SPMIP7: variants seen among roughly 807,000 people sequenced by gnomAD.
SPMIP7 encodes the protein protein SPMIP7.
chr7:50,104,817 GAT>G, the SPMIP7 span, among the ~76,000 whole-genome samples: 1 of 152,114 alleles, frequency 6.6e-6, no homozygotes, highest in African/African-American at 2.4e-5. Flanking sequence ...TAGAGCAACG[GAT>G]TAATGCTACT....
chr7:50,139,785 C>T, the SPMIP7 span, among the ~76,000 whole-genome samples: 1 of 152,166 alleles, frequency 6.6e-6, no homozygotes, highest in African/African-American at 2.4e-5. Context: ...CCAGAAACAA[C>T]CAAGATGCCC....
At chr7:50,153,830 T>C in the SPMIP7 span, among the ~76,000 whole-genome samples, 1 of 152,106 alleles carries the variant, frequency 6.6e-6, no homozygotes, top group African/African-American at 2.4e-5. Flanking sequence ...AGGGGGTGGC[T>C]CTCAGGCCCC....
the SPMIP7 span, chr7:50,141,167 C>T: frequency 4.8e-6 from 3 of 626,234 alleles, no homozygotes; most frequent in African/African-American, 1.8e-5. Flanking sequence ...GCATTTTGAG[C>T]CTTTGATCTA....
the SPMIP7 span, among the ~76,000 whole-genome samples, chr7:50,103,052 T>TTATA: frequency 0.72 from 104,018 of 143,590 alleles, 38,203 homozygotes; most frequent in East Asian, 0.86. Flanking sequence ...ATCATATATT[T>TTATA]TATATATATA....
the SPMIP7 span, among the ~76,000 whole-genome samples, chr7:50,138,352 G>T: frequency 6.6e-6 from 1 of 152,152 alleles, no homozygotes; most frequent in Non-Finnish European, 1.5e-5. Context: ...ATATAAAAGT[G>T]AATCACATGG....
chr7:50,102,646 A>G, the SPMIP7 span, among the ~76,000 whole-genome samples: 1 of 152,048 alleles, frequency 6.6e-6, no homozygotes, highest in Admixed American at 6.6e-5. Flanking sequence ...GAAAATCCCC[A>G]TTTCAGATTC....
the SPMIP7 span, among the ~76,000 whole-genome samples, chr7:50,152,406 G>A: frequency 6.6e-6 from 1 of 152,098 alleles, no homozygotes; most frequent in Non-Finnish European, 1.5e-5. Context: ...TCCTTTATTT[G>A]AAGCTACTAG....
the SPMIP7 span, among the ~76,000 whole-genome samples, chr7:50,132,089 T>A: frequency 6.6e-6 from 1 of 152,102 alleles, no homozygotes; most frequent in Non-Finnish European, 1.5e-5. Context: ...ATGAAAACAC[T>A]TAAAAACATG....
At chr7:50,140,171 C>T in the SPMIP7 span, 4 of 1,500,170 alleles carry the variant, frequency 2.7e-6, no homozygotes, top group South Asian at 1.3e-5. Flanking sequence ...TAAATATATT[C>T]CTCTCTATAC....
the SPMIP7 span, among the ~76,000 whole-genome samples, chr7:50,153,445 A>C: frequency 2.0e-5 from 3 of 152,238 alleles, no homozygotes; most frequent in East Asian, 5.8e-4. Flanking sequence ...TTACTAAGTC[A>C]ATGCATGTTT....
At chr7:50,119,485 G>A in the SPMIP7 span, among the ~76,000 whole-genome samples, 1 of 152,196 alleles carries the variant, frequency 6.6e-6, no homozygotes, top group Non-Finnish European at 1.5e-5. Flanking sequence ...GATGGCTTTA[G>A]CAAAGGCTTA....
chr7:50,110,023 C>G, the SPMIP7 span, among the ~76,000 whole-genome samples: 1 of 152,000 alleles, frequency 6.6e-6, no homozygotes, highest in Non-Finnish European at 1.5e-5. Flanking sequence ...TTTTGGTACA[C>G]AATCATTCAT....
At chr7:50,155,874 C>CCCTCACTATACACACATACTGCACATA in the SPMIP7 span, among the ~76,000 whole-genome samples, 35 of 152,088 alleles carry the variant, frequency 2.3e-4, no homozygotes, top group Non-Finnish European at 3.5e-4. Context: ...TCATCCATGG[C>CCCTCACTATACACACATACTGCACATA]CTGAGTGGGA....
chr7:50,139,513 A>G, the SPMIP7 span, among the ~76,000 whole-genome samples: 1 of 152,208 alleles, frequency 6.6e-6, no homozygotes, highest in African/African-American at 2.4e-5. Context: ...TTTTTAATTT[A>G]CATATCATGT....
chr7:50,158,814 C>T, the SPMIP7 span, among the ~76,000 whole-genome samples: 4 of 151,972 alleles, frequency 2.6e-5, no homozygotes, highest in Non-Finnish European at 5.9e-5. Flanking sequence ...GTTCCTTGGG[C>T]GGCTTTCTGC....
At chr7:50,151,577 C>T in the SPMIP7 span, 1 of 1,471,370 alleles carries the variant, frequency 6.8e-7, no homozygotes, top group Non-Finnish European at 9.3e-7. Context: ...AATCCTATTA[C>T]TCAATTTGCT....
chr7:50,098,152 A>G, the SPMIP7 span, among the ~76,000 whole-genome samples: 1 of 152,126 alleles, frequency 6.6e-6, no homozygotes, highest in Non-Finnish European at 1.5e-5. Context: ...ACACACTGGT[A>G]TGCTCTTCAG....
the SPMIP7 span, chr7:50,140,083 T>A: frequency 8.8e-7 from 1 of 1,133,086 alleles, no homozygotes; most frequent in Non-Finnish European, 1.2e-6. Flanking sequence ...CTGTAATAAT[T>A]TGATGTTTAT....
chr7:50,135,232 G>T, the SPMIP7 span, among the ~76,000 whole-genome samples: 5 of 152,160 alleles, frequency 3.3e-5, no homozygotes, highest in African/African-American at 7.2e-5. Context: ...CTGTGCTTGC[G>T]AAGTACCTTC....
Sources: gnomAD v4.1 joint callset for allele counts (sites outside exome capture counted in the v4.1 genomes callset) on GRCh38, gnomAD v4.1.1 for gene constraint, MANE v1.5 for transcripts, NCBI Gene and HGNC (gene_info 2026-07-23, HGNC 2026-07-21) for gene names.